Variants in PPA2 observed in about 807,000 individuals in gnomAD.
PPA2 encodes inorganic pyrophosphatase 2, mitochondrial.
A neutral mutation model predicts 49.5 loss-of-function variants in PPA2; 48 were observed. The ratio of observed to expected loss-of-function variants is 0.97; its 90% CI spans 0.77 to 1.23. The LOEUF (loss-of-function observed/expected upper bound fraction) is 1.23, where lower values mean the gene tolerates loss of function less well. Among genes scored for constraint, PPA2 ranks in the 50% most tolerant of loss-of-function variants. The pLI is 0.00. For synonymous variants in PPA2, 131 were observed against 139.9 expected (o/e 0.94, Z 0.45); for missense variants, 429 against 410.1 (o/e 1.05, Z -0.40).
chr4:105,396,241 A>G lies in PPA2; in HGVS notation c.869+8T>C. 2 of 1,533,084 alleles carry G rather than the reference A, an allele frequency of 1.3e-6. No individual in the cohort carries two copies. Among genetic ancestry groups the G allele is most frequent in the Non-Finnish European group, 1.8e-6 (2 of 1,126,568 alleles). 95.0% of individuals were successfully genotyped at this position (1,533,084 alleles called of 1,614,324 possible). A position where few individuals can be genotyped will look rare whatever the true frequency, so the allele number is the denominator to read the frequency against. ...AACATTACTTACATAGAAAAGACAA[A>G]TTCTTACCAATTTATAGCTCCTCCA... On this transcript the variant is annotated splice_region_variant and intron_variant, in intron 9 of 11. Coordinates refer to ENST00000341695, the MANE Select transcript of PPA2 (RefSeq NM_176869.3).
At chr4:105,444,577 C>T (rs1347799201) in intron 5 of PPA2, among the ~76,000 whole-genome samples, 1 of 152,162 alleles carries the variant, frequency 6.6e-6, no homozygotes, top group Non-Finnish European at 1.5e-5. Flanking sequence ...ATCTGGAAAT[C>T]CAGACACATC....
intron 5 of PPA2, among the ~76,000 whole-genome samples, chr4:105,440,993 A>G (rs143013007): frequency 4.6e-5 from 7 of 152,326 alleles, no homozygotes; most frequent in African/African-American, 9.6e-5. Context: ...TTTTTACTAC[A>G]AAAAGACACA....
chr4:105,429,757 C>A (rs1239562722), intron 6 of PPA2, among the ~76,000 whole-genome samples: 1 of 152,074 alleles, frequency 6.6e-6, no homozygotes, highest in Non-Finnish European at 1.5e-5. Flanking sequence ...GGAAAAGAGA[C>A]CTGAGAATCC....
intron 8 of PPA2, among the ~76,000 whole-genome samples, chr4:105,397,400 G>A (rs1463855805): frequency 6.6e-6 from 1 of 152,276 alleles, no homozygotes; most frequent in South Asian, 2.1e-4. Flanking sequence ...TGTAAGGATA[G>A]ATTTTTAATC....
At chr4:105,453,802 C>G (rs1560638995) in intron 2 of PPA2, 160 bp from the exon 3 acceptor site, 1 of 487,744 alleles carries the variant, frequency 2.1e-6, no homozygotes, top group East Asian at 3.3e-5. Context: ...TTCGTTCTCC[C>G]CTGAGCATTT....
intron 2 of PPA2, among the ~76,000 whole-genome samples, chr4:105,455,804 C>T (rs960913107): frequency 3.3e-5 from 5 of 152,160 alleles, no homozygotes; most frequent in Admixed American, 3.3e-4. Flanking sequence ...TCTTCAGTGG[C>T]CTCTGCCCCT....
At chr4:105,464,444 G>A (rs943201952) in intron 1 of PPA2, among the ~76,000 whole-genome samples, 8 of 152,150 alleles carry the variant, frequency 5.3e-5, no homozygotes, top group South Asian at 2.1e-4. Flanking sequence ...TGTGGACTGC[G>A]GACTTCTGAG....
intron 7 of PPA2, among the ~76,000 whole-genome samples, chr4:105,416,270 A>C (rs1257411179): frequency 3.9e-5 from 6 of 152,250 alleles, no homozygotes; most frequent in Non-Finnish European, 8.8e-5. Flanking sequence ...ACACAAAGTG[A>C]AGAAAGCATA....
intron 1 of PPA2, among the ~76,000 whole-genome samples, chr4:105,461,351 C>T (rs984374965): frequency 6.6e-6 from 1 of 152,180 alleles, no homozygotes; most frequent in African/African-American, 2.4e-5. Context: ...AAGTGGAAAA[C>T]ATGAAAACCC....
chr4:105,456,566 T>C, intron 2 of PPA2, 115 bp downstream of exon 2: 1 of 780,974 alleles, frequency 1.3e-6, no homozygotes, highest in Non-Finnish European at 2.1e-6. Flanking sequence ...TAGTAACTCC[T>C]GTTTGTCCTC....
intron 7 of PPA2, among the ~76,000 whole-genome samples, chr4:105,415,925 G>C (rs1401758158): frequency 1.3e-5 from 2 of 152,218 alleles, no homozygotes; most frequent in African/African-American, 2.4e-5. Context: ...TTTAAAAATG[G>C]AGTGACAGGT....
chr4:105,428,138 C>T (rs578011075), intron 6 of PPA2, among the ~76,000 whole-genome samples: 1 of 152,246 alleles, frequency 6.6e-6, no homozygotes, highest in Non-Finnish European at 1.5e-5. Context: ...CCTTTATAGA[C>T]AAGCAAATGC....
intron 6 of PPA2, among the ~76,000 whole-genome samples, chr4:105,435,464 T>C (rs906269443): frequency 1.1e-4 from 16 of 152,174 alleles, no homozygotes; most frequent in Non-Finnish European, 1.9e-4. Context: ...ATCCTAAATA[T>C]ACATGCACGC....
At chr4:105,405,410 C>T (rs1321574213) in intron 7 of PPA2, 2 of 798,140 alleles carry the variant, frequency 2.5e-6, no homozygotes, top group East Asian at 1.3e-4. Flanking sequence ...TTACTTTTAT[C>T]TCTAATATTA....
chr4:105,433,146 GAGA>G (rs1723890791), intron 6 of PPA2, among the ~76,000 whole-genome samples: 1 of 152,060 alleles, frequency 6.6e-6, no homozygotes, highest in African/African-American at 2.4e-5. Flanking sequence ...AAAAGGCTAG[GAGA>G]AGTTTTTTTT....
chr4:105,463,430 A>G (rs1723174375), intron 1 of PPA2, among the ~76,000 whole-genome samples: 1 of 152,214 alleles, frequency 6.6e-6, no homozygotes, highest in South Asian at 2.1e-4. Flanking sequence ...TTCAGAGCAT[A>G]AAAGTTTGGA....
intron 9 of PPA2, among the ~76,000 whole-genome samples, chr4:105,390,127 G>T (rs946940857): frequency 1.3e-5 from 2 of 152,022 alleles, no homozygotes; most frequent in Non-Finnish European, 2.9e-5. Context: ...AGTGAAACTG[G>T]ACCCCTTCCC....
At chr4:105,387,720 T>A (rs1733740564) in intron 9 of PPA2, among the ~76,000 whole-genome samples, 1 of 152,162 alleles carries the variant, frequency 6.6e-6, no homozygotes, top group East Asian at 1.9e-4. Context: ...CACGTTTACT[T>A]ACGTAACAAA....
At chr4:105,382,407 T>C (rs935126607) in intron 10 of PPA2, among the ~76,000 whole-genome samples, 1 of 152,182 alleles carries the variant, frequency 6.6e-6, no homozygotes, top group African/African-American at 2.4e-5. Flanking sequence ...CTTCTCAACA[T>C]TCTCAAAATA....
Sources: gnomAD v4.1 joint callset for allele counts (sites outside exome capture counted in the v4.1 genomes callset) on GRCh38, gnomAD v4.1.1 for gene constraint, MANE v1.5 for transcripts, NCBI Gene and HGNC (gene_info 2026-07-23, HGNC 2026-07-21) for gene names.